Variants in RANBP2 observed in about 807,000 individuals in gnomAD.
RANBP2 encodes the protein E3 SUMO-protein ligase RanBP2.
A neutral mutation model predicts 303.6 loss-of-function variants in RANBP2; 57 were observed. The ratio of observed to expected loss-of-function variants is 0.19; its 90% CI spans 0.15 to 0.23. The LOEUF (loss-of-function observed/expected upper bound fraction) is 0.23, where lower values mean the gene tolerates loss of function less well. Ranked by LOEUF, RANBP2 falls within the 10% of genes least tolerant of loss-of-function variation. The pLI, the probability that RANBP2 is intolerant of heterozygous loss-of-function variation, is 1.00. For synonymous variants in RANBP2, 1,167 were observed against 1,301.5 expected (o/e 0.90, Z 2.23); for missense variants, 3,138 against 3,780.8 (o/e 0.83, Z 4.46).
At chr2:109,510,686 A>G in the RANBP2 span, among the ~76,000 whole-genome samples, 3 of 152,178 alleles carry the variant, frequency 2.0e-5, no homozygotes, top group African/African-American at 7.2e-5. Context: ...TGTGTGTGCC[A>G]TGGGGTGACC....
chr2:109,267,849 G>C, the RANBP2 span, among the ~76,000 whole-genome samples: 2 of 152,222 alleles, frequency 1.3e-5, no homozygotes, highest in Non-Finnish European at 2.9e-5. Flanking sequence ...CCAGGCTCCT[G>C]CTGGACAGAG....
the RANBP2 span, chr2:109,501,647 G>T: frequency 1.3e-6 from 1 of 773,628 alleles, no homozygotes. Context: ...GCCTCTTCCC[G>T]GGCAGCTTCG....
At chr2:109,290,853 G>C in the RANBP2 span, among the ~76,000 whole-genome samples, 6 of 152,198 alleles carry the variant, frequency 3.9e-5, no homozygotes, top group African/African-American at 7.2e-5. Flanking sequence ...CTGATTTAAG[G>C]CTTAAATATT....
At chr2:109,574,646 T>C in the RANBP2 span, 437 of 1,604,516 alleles carry the variant, frequency 2.7e-4, no homozygotes, top group African/African-American at 4.8e-3. Flanking sequence ...GTCGGTGAAA[T>C]GAAGTAGAGA....
At chr2:109,281,420 G>A in the RANBP2 span, among the ~76,000 whole-genome samples, 1 of 152,214 alleles carries the variant, frequency 6.6e-6, no homozygotes, top group Non-Finnish European at 1.5e-5. Flanking sequence ...CTCAGAGCAG[G>A]ATGTCCCTCT....
At chr2:108,742,267 A>T (rs1696170233) in intron 7 of RANBP2, among the ~76,000 whole-genome samples, 2 of 151,792 alleles carry the variant, frequency 1.3e-5, no homozygotes, top group South Asian at 4.2e-4. Context: ...AAGTGCTGGG[A>T]TTACAGGCAG....
chr2:109,314,880 G>C, the RANBP2 span, among the ~76,000 whole-genome samples: 1 of 152,228 alleles, frequency 6.6e-6, no homozygotes, highest in Non-Finnish European at 1.5e-5. Context: ...AGTTGGTAGA[G>C]ATTGAAGCAG....
At chr2:109,761,492 CG>C in the RANBP2 span, among the ~76,000 whole-genome samples, 4 of 148,350 alleles carry the variant, frequency 2.7e-5, no homozygotes, top group African/African-American at 7.4e-5. Context: ...GCTCGCAGCC[CG>C]GGGGGCACTC....
chr2:108,778,340 A>G (rs1477393494), intron 25 of RANBP2, among the ~76,000 whole-genome samples: 2 of 152,180 alleles, frequency 1.3e-5, no homozygotes, highest in Non-Finnish European at 2.9e-5. Flanking sequence ...TGCTTACTTT[A>G]GTTAATTTAG....
intron 17 of RANBP2, among the ~76,000 whole-genome samples, chr2:108,756,904 G>T (rs572444059): frequency 6.6e-6 from 1 of 152,342 alleles, no homozygotes; most frequent in Admixed American, 6.5e-5. Flanking sequence ...TTTTCTAGGT[G>T]ATTCCACTAG....
chr2:109,261,883 C>T, the RANBP2 span, among the ~76,000 whole-genome samples: 1 of 151,868 alleles, frequency 6.6e-6, no homozygotes, highest in African/African-American at 2.4e-5. Context: ...TAATTGGGCT[C>T]TCTGCTGATA....
At chr2:108,744,573 T>C (rs1202611751) in intron 7 of RANBP2, among the ~76,000 whole-genome samples, 9 of 152,334 alleles carry the variant, frequency 5.9e-5, no homozygotes, top group South Asian at 2.1e-4. Flanking sequence ...TTGTTTCTTA[T>C]TTTGTGTGCT....
At chr2:109,483,998 G>A in the RANBP2 span, among the ~76,000 whole-genome samples, 4 of 151,068 alleles carry the variant, frequency 2.6e-5, no homozygotes, top group South Asian at 4.2e-4. Flanking sequence ...TGCTCCCAGC[G>A]TCCACCAGAC....
At chr2:109,040,366 G>A in the RANBP2 span, among the ~76,000 whole-genome samples, 54 of 152,178 alleles carry the variant, frequency 3.5e-4, no homozygotes, top group African/African-American at 1.2e-3. Context: ...TTTATATGAA[G>A]CCTTGATATC....
the RANBP2 span, among the ~76,000 whole-genome samples, chr2:109,235,355 TA>T: frequency 6.6e-6 from 1 of 152,160 alleles, no homozygotes; most frequent in African/African-American, 2.4e-5. Flanking sequence ...TAAGGGCCAC[TA>T]AAGAGACCAG....
the RANBP2 span, among the ~76,000 whole-genome samples, chr2:108,943,669 GTGT>G: frequency 1.3e-5 from 2 of 152,178 alleles, no homozygotes; most frequent in Admixed American, 1.3e-4. Context: ...GTGGCCTGGT[GTGT>G]TGAGTAACAG....
At chr2:109,232,340 TAG>T in the RANBP2 span, among the ~76,000 whole-genome samples, 1 of 152,162 alleles carries the variant, frequency 6.6e-6, no homozygotes, top group Non-Finnish European at 1.5e-5. Context: ...TGGAAAATGG[TAG>T]AGAGTAGTTG....
At chr2:108,919,723 GT>G in the RANBP2 span, among the ~76,000 whole-genome samples, 1 of 152,158 alleles carries the variant, frequency 6.6e-6, no homozygotes, top group African/African-American at 2.4e-5. Flanking sequence ...GCCTTCTCGG[GT>G]TTGAACTGTA....
the RANBP2 span, among the ~76,000 whole-genome samples, chr2:109,766,217 T>A: frequency 6.6e-6 from 1 of 150,972 alleles, no homozygotes; most frequent in East Asian, 2.0e-4. Flanking sequence ...CTCAGAAGAG[T>A]GGCTTCCAGG....
Sources: gnomAD v4.1 joint callset for allele counts (sites outside exome capture counted in the v4.1 genomes callset) on GRCh38, gnomAD v4.1.1 for gene constraint, MANE v1.5 for transcripts, NCBI Gene and HGNC (gene_info 2026-07-23, HGNC 2026-07-21) for gene names.